Variants in SUPT20H observed in about 807,000 individuals in gnomAD.
The protein encoded by SUPT20H is SPT20 homolog, SAGA complex component, also known as transcription factor SPT20 homolog.
In SUPT20H, 82 loss-of-function variants were observed where a neutral mutation model predicts 122.8. The ratio of observed to expected loss-of-function variants is 0.67; its 90% CI spans 0.56 to 0.80. The LOEUF is 0.80. Among genes scored for constraint, SUPT20H ranks in the 30% least tolerant of loss-of-function variants. The pLI is 0.00. For missense variants in SUPT20H, 831 were observed against 921.6 expected, an observed-to-expected ratio of 0.90 and a Z score of 1.27; for synonymous variants, 291 against 313.0, an observed-to-expected ratio of 0.93 and a Z score of 0.74.
chr13:37,014,225 T>C (rs1025376026), intron 23 of SUPT20H, among the ~76,000 whole-genome samples: 2 of 152,102 alleles, frequency 1.3e-5, no homozygotes, highest in African/African-American at 4.8e-5. Context: ...ATAACAATCC[T>C]AAATGTATAT....
chr13:37,051,374 T>C, intron 2 of SUPT20H, 114 bp downstream of exon 2: 4 of 1,066,112 alleles, frequency 3.8e-6, no homozygotes, highest in Non-Finnish European at 5.4e-6. Context: ...CCAGTTGGGA[T>C]AACCTGTACA....
Position 37,047,949 on chromosome 13 carries a change from AGTTTATGAGAAC to A in SUPT20H, c.40-25_40-14del. On this transcript the variant is annotated splice_polypyrimidine_tract_variant and intron_variant, in intron 3 of 25. Transcript: ENST00000350612. Reference sequence around the variant, plus strand: ...TTTCAATGACATACTAAAAAACAAAAGTTTATGAGAACAGCTTGCTTTTTGCTTTTGACTATG... The same window carrying A: ...TTTCAATGACATACTAAAAAACAAAAAGCTTGCTTTTTGCTTTTGACTATG... 6.3e-7 allele frequency: 1 copy of A among 1,595,590 alleles called. No individual in the cohort carries two copies. Among genetic ancestry groups the A allele is most frequent in the Admixed American group, 1.7e-5 (1 of 57,638 alleles).
intron 12 of SUPT20H, among the ~76,000 whole-genome samples, chr13:37,030,387 C>A (rs1042144392): frequency 6.6e-6 from 1 of 152,144 alleles, no homozygotes; most frequent in African/African-American, 2.4e-5. Flanking sequence ...TTACAGGCAA[C>A]CACGATCTTA....
rs1257316826 is a variant in SUPT20H at position 37,033,460 on chromosome 13, G to C, written c.696C>G (p.Arg232=). ...LLYNKQKMNT[R]PMKRCFKRYS... is the part of the protein sequence containing the mutation. ...ACAAAGGCAATTACCGTTTCATTGG[G>C]CGAGTGTTCATCTTTTGCTTGTTAT... The change falls in exon 10 of 26, where the codon CGC becomes CGG. Residue 232 remains arginine, a synonymous_variant. Coordinates refer to ENST00000350612, the MANE Select transcript of SUPT20H (RefSeq NM_001014286.3). 6.2e-7 allele frequency: 1 copy of C among 1,610,460 alleles called. No individual in the cohort carries two copies. The highest frequency in any genetic ancestry group is 1.7e-5 in the Admixed American group (1 of 59,482).
Position 37,020,205 on chromosome 13 carries a change from A to AT in SUPT20H, c.1817-809dup, listed in dbSNP as rs535181099. Among the ~76,000 whole-genome samples, 131 of 146,750 alleles carry AT rather than the reference A, an allele frequency of 8.9e-4. No individual in the cohort carries two copies. In the South Asian group the frequency reaches 9.0e-3, roughly 10 times the overall value. On this transcript the variant is annotated intron_variant, in intron 21 of 25. Transcript: ENST00000350612. ...AATGTATCTAGTTCTCTATCATATCATTTTTTTTTTTTAAAGATTTAAGGG... is the reference window on the plus strand; with the variant it reads ...AATGTATCTAGTTCTCTATCATATCATTTTTTTTTTTTTAAAGATTTAAGGG...
chr13:37,013,478 C>G (rs1291531162), intron 23 of SUPT20H: 1 of 149,962 alleles, frequency 6.7e-6, no homozygotes, highest in African/African-American at 2.5e-5. Flanking sequence ...ACATCTTGTA[C>G]AAAAATTAAC....
chr13:37,028,015 A>G (rs1360970049), intron 14 of SUPT20H, 133 bp downstream of exon 14: 1 of 773,032 alleles, frequency 1.3e-6, no homozygotes, highest in Non-Finnish European at 1.9e-6. Context: ...GCCAAATCTA[A>G]TTGTTATATT....
At chr13:37,042,306 T>C (rs781173993) in intron 7 of SUPT20H, among the ~76,000 whole-genome samples, 4 of 152,162 alleles carry the variant, frequency 2.6e-5, no homozygotes, top group Non-Finnish European at 5.9e-5. Flanking sequence ...ACCTATTATA[T>C]ATCCAAGAAA....
At chr13:37,029,950 G>T in intron 12 of SUPT20H, 114 bp from the exon 13 acceptor site, 2 of 717,052 alleles carry the variant, frequency 2.8e-6, no homozygotes, top group Non-Finnish European at 4.3e-6. Flanking sequence ...CAATATACTT[G>T]TTAGCGCAAG....
At chr13:37,056,679 T>C (rs2069125141) in intron 1 of SUPT20H, among the ~76,000 whole-genome samples, 1 of 151,500 alleles carries the variant, frequency 6.6e-6, no homozygotes, top group South Asian at 2.1e-4. Context: ...GACAAGTTAA[T>C]GGGTGCAGCA....
Position 37,022,596 on chromosome 13 carries a change from T to C in SUPT20H, c.1592-516A>G. 1 of 1,124,850 alleles carries C rather than the reference T, an allele frequency of 8.9e-7. No homozygotes were observed. The highest frequency in any genetic ancestry group is 1.1e-6 in the Non-Finnish European group (1 of 920,574). The allele number at this position is 1,124,850 out of a possible 1,614,324, so 69.7% of individuals were successfully genotyped here. Reference sequence around the variant, plus strand: ...TTCTACCACAATACCCATTTAAAAGTTAGTTTCCTACATGCTGCCTTTGGC... The same window carrying C: ...TTCTACCACAATACCCATTTAAAAGCTAGTTTCCTACATGCTGCCTTTGGC... On this transcript the variant is annotated intron_variant, in intron 19 of 25. Transcript: ENST00000350612. The surrounding 1 kb of genome is among the most constrained non-coding windows in gnomAD (Gnocchi z 4.5).
At chr13:37,038,354 C>T (rs2064887837) in intron 9 of SUPT20H, 1 of 152,184 alleles carries the variant, frequency 6.6e-6, no homozygotes, top group South Asian at 2.1e-4. Flanking sequence ...GCCTAAAATA[C>T]AGTTCATAAC....
rs1473355983 is a variant in SUPT20H, at chr13:37,021,609, G to A, written c.1662-7C>T. On this transcript the variant is annotated splice_region_variant and splice_polypyrimidine_tract_variant and intron_variant, in intron 20 of 25. Coordinates refer to ENST00000350612, the MANE Select transcript of SUPT20H (RefSeq NM_001014286.3). The stretch of plus-strand genomic sequence containing the variant: ...CATCAAAGCCTGGGCCCCACTGCAG[G>A]AGAATAAGACAAAGCATTAAACTTC... 3 of 1,609,754 alleles carry A rather than the reference G, an allele frequency of 1.9e-6. No individual in the cohort carries two copies. The highest frequency in any genetic ancestry group is 2.7e-5 in the African/African-American group (2 of 74,748).
intron 2 of SUPT20H, 37 bp from the exon 3 acceptor site, chr13:37,048,636 T>C (rs757739963): frequency 1.9e-6 from 3 of 1,552,810 alleles, no homozygotes; most frequent in South Asian, 2.4e-5. Flanking sequence ...TAATATTAGT[T>C]ATTTCCACAA....
chr13:37,047,541 T>C lies in SUPT20H; in HGVS notation c.159A>G (p.Glu53=). The C allele has an allele frequency of 6.9e-7, 1 of 1,445,674 alleles. No individual in the cohort carries two copies. Among genetic ancestry groups the C allele is most frequent in the South Asian group, 1.4e-5 (1 of 72,980 alleles). The allele number at this position is 1,445,674 out of a possible 1,614,324, so 89.6% of individuals were successfully genotyped here. ...LYIEECEKEP[E]VKKLRRNVNL... is the part of the protein sequence containing the mutation. ...AATAAAAATGTATACTTACCTTAAC[T>C]TCAGGTTCTTTTTCACATTCTTCAA... Residue 53 remains glutamate (E), a synonymous_variant, in exon 5 of 26, where the codon GAA becomes GAG. Transcript: ENST00000350612.
intron 1 of SUPT20H, among the ~76,000 whole-genome samples, chr13:37,053,770 G>A (rs1197359269): frequency 1.3e-5 from 2 of 151,568 alleles, no homozygotes; most frequent in Non-Finnish European, 2.9e-5. Flanking sequence ...TCACTCCTTG[G>A]GTACATATGT....
At chr13:37,040,480 A>AAAACTTATT in intron 8 of SUPT20H, 22 bp from the exon 9 acceptor site, 12 of 1,568,900 alleles carry the variant, frequency 7.6e-6, no homozygotes, top group Non-Finnish European at 1.0e-5. Flanking sequence ...AAAAATTTAA[A>AAAACTTATT]AAACTTATTA....
At chr13:37,017,718 T>G (rs1434599933) in intron 22 of SUPT20H, among the ~76,000 whole-genome samples, 1 of 152,190 alleles carries the variant, frequency 6.6e-6, no homozygotes, top group Non-Finnish European at 1.5e-5. Context: ...AAGCAGCTTA[T>G]GAATCAGAAA....
rs188967418 is a variant in SUPT20H, at chr13:37,031,604, C to A, written c.884G>T (p.Arg295Leu). Residue 295 changes from arginine (R) to leucine (L), a missense_variant, in exon 12 of 26, where the codon CGG becomes CTG. Coordinates refer to ENST00000350612, the MANE Select transcript of SUPT20H (RefSeq NM_001014286.3). Reference protein sequence around the residue: ...KAGNCVDMWKRSPCNLAIPSE... With the variant: ...KAGNCVDMWKLSPCNLAIPSE... ...AGGTATGGCCAAATTACAGGGACTC[C>A]GTTTCCACATATCTACACACTGAAA... 17 of 1,564,944 alleles carry A rather than the reference C, an allele frequency of 1.1e-5. No individual in the cohort carries two copies. The East Asian group carries it at 3.7e-4, about 34-fold the overall frequency.
Sources: gnomAD v4.1 joint callset for allele counts (sites outside exome capture counted in the v4.1 genomes callset) on GRCh38, gnomAD v4.1.1 for gene constraint, Gnocchi (gnomAD v3.1) non-coding constraint, MANE v1.5 for transcripts, NCBI Gene and HGNC (gene_info 2026-07-23, HGNC 2026-07-21) for gene names.